Variants in STAG1 observed in about 807,000 individuals in gnomAD.
The protein encoded by STAG1 is cohesin subunit SA-1.
A neutral mutation model predicts 170.9 loss-of-function variants in STAG1; 26 were observed. The ratio of observed to expected loss-of-function variants is 0.15; its 90% CI spans 0.11 to 0.21. The LOEUF is 0.21. STAG1 is among the 10% of genes least tolerant of loss of function. The pLI, the probability that STAG1 is intolerant of heterozygous loss-of-function variation, is 1.00. For missense variants in STAG1, 964 were observed against 1,509.5 expected, an observed-to-expected ratio of 0.64 and a Z score of 5.99; for synonymous variants, 514 against 497.7, an observed-to-expected ratio of 1.03 and a Z score of -0.44.
At chr3:136,568,013 C>G (rs551446730) in intron 5 of STAG1, among the ~76,000 whole-genome samples, 1 of 151,922 alleles carries the variant, frequency 6.6e-6, no homozygotes, top group Non-Finnish European at 1.5e-5. Context: ...GGTGGAGTAT[C>G]TCGTATAAGG....
intron 1 of STAG1, among the ~76,000 whole-genome samples, chr3:136,677,289 GTTCTATGACAT>G (rs1942155574): frequency 6.6e-6 from 1 of 152,080 alleles, no homozygotes; most frequent in Non-Finnish European, 1.5e-5. Flanking sequence ...CTATTTTGTA[GTTCTATGACAT>G]TAGGAAGGTT....
chr3:136,714,974 ATATT>A (rs1943493825), intron 1 of STAG1, among the ~76,000 whole-genome samples: 1 of 110,030 alleles, frequency 9.1e-6, no homozygotes, highest in East Asian at 2.1e-4. Context: ...TTTTATATAT[ATATT>A]TTTATATATA....
At chr3:136,663,329 A>G (rs1941641426) in intron 1 of STAG1, among the ~76,000 whole-genome samples, 1 of 152,206 alleles carries the variant, frequency 6.6e-6, no homozygotes, top group Non-Finnish European at 1.5e-5. Flanking sequence ...AACCCTATGA[A>G]GTAGATATTA....
chr3:136,639,150 C>CA, intron 1 of STAG1, among the ~76,000 whole-genome samples: 1 of 131,586 alleles, frequency 7.6e-6, no homozygotes, highest in East Asian at 2.2e-4. Context: ...GTCTGGGCAA[C>CA]ATAAGTAAGA....
At chr3:136,606,809 C>T (rs1176257823) in intron 3 of STAG1, among the ~76,000 whole-genome samples, 3 of 145,962 alleles carry the variant, frequency 2.1e-5, no homozygotes, top group East Asian at 4.0e-4. Flanking sequence ...CGTGCAATGG[C>T]GTGATCTCAG....
intron 6 of STAG1, among the ~76,000 whole-genome samples, chr3:136,522,158 G>A (rs1355765023): frequency 6.6e-6 from 1 of 152,192 alleles, no homozygotes; most frequent in African/African-American, 2.4e-5. Context: ...GAACAAGGTT[G>A]CCTGAATATT....
chr3:136,422,587 A>C lies in STAG1; in HGVS notation c.1860T>G (p.Ile620Met). 1.9e-6 allele frequency: 3 copies of C among 1,613,996 alleles called. No individual in the cohort carries two copies. The highest frequency in any genetic ancestry group is 2.5e-6 in the Non-Finnish European group (3 of 1,179,962). ...CTACGTGTTTCTCCACAACAAACTT[A>C]ATCTGTTTTAATAAAGCATCCAGAT... ...EKHLDALLKQ[I>M]KFVVEKHVES... The change falls in exon 19 of 34, where the codon ATT (isoleucine) becomes ATG (methionine). Residue 620 changes from isoleucine (I) to methionine (M), a missense_variant. Ile to Met is a conservative substitution (Grantham distance 10). Transcript: ENST00000383202.
intron 1 of STAG1, among the ~76,000 whole-genome samples, chr3:136,700,586 A>AT (rs994387797): frequency 1.3e-5 from 2 of 151,486 alleles, no homozygotes; most frequent in African/African-American, 2.4e-5. Context: ...CGCCCGGCCA[A>AT]TTTTTTGTAT....
chr3:136,588,512 G>T (rs987289860), intron 4 of STAG1, among the ~76,000 whole-genome samples: 2 of 152,008 alleles, frequency 1.3e-5, no homozygotes, highest in Non-Finnish European at 2.9e-5. Context: ...GCTAATTTTT[G>T]TATTTTTAGT....
chr3:136,680,533 T>C (rs1265365030), intron 1 of STAG1, among the ~76,000 whole-genome samples: 1 of 151,964 alleles, frequency 6.6e-6, no homozygotes, highest in African/African-American at 2.4e-5. Flanking sequence ...GGGCAGGGAT[T>C]AGGGAAGGGA....
chr3:136,443,553 C>T, intron 14 of STAG1, 149 bp from the exon 15 acceptor site: 1 of 603,786 alleles, frequency 1.7e-6, no homozygotes, highest in Non-Finnish European at 2.9e-6. Context: ...TATATATTCA[C>T]ATTCCACTGT....
intron 7 of STAG1, among the ~76,000 whole-genome samples, chr3:136,508,474 G>C (rs1244924633): frequency 6.6e-6 from 1 of 152,124 alleles, no homozygotes. Flanking sequence ...GATGACTTGA[G>C]GTCAGGAGTT....
Position 136,466,538 on chromosome 3 carries a change from G to C in STAG1, c.1206-1550C>G, listed in dbSNP as rs1182186387. ...AAATCTACGTCGGATTGGTGTACCT[G>C]AAAGTGACAGGAAGAATGGAAACAA... On this transcript the variant is annotated intron_variant, in intron 12 of 33. Coordinates refer to ENST00000383202, the MANE Select transcript of STAG1 (RefSeq NM_005862.3). 4.4e-4 allele frequency among the ~76,000 whole-genome samples: 67 copies of C among 152,240 alleles called. 1 individual carries two copies. Among genetic ancestry groups the C allele is most frequent in the Non-Finnish European group, 2.9e-5 (2 of 68,046 alleles).
intron 1 of STAG1, among the ~76,000 whole-genome samples, chr3:136,680,087 C>T (rs1942283442): frequency 6.6e-6 from 1 of 151,984 alleles, no homozygotes; most frequent in Non-Finnish European, 1.5e-5. Context: ...GTCTGGCCAA[C>T]ATGGCGAAAC....
chr3:136,530,993 T>C (rs1381389713), intron 6 of STAG1, among the ~76,000 whole-genome samples: 3 of 152,088 alleles, frequency 2.0e-5, no homozygotes, highest in Admixed American at 1.3e-4. Flanking sequence ...TAATCCCAGA[T>C]ACTCGGTTGG....
At chr3:136,396,101 C>T (rs1458176847) in intron 22 of STAG1, among the ~76,000 whole-genome samples, 3 of 152,112 alleles carry the variant, frequency 2.0e-5, no homozygotes, top group Non-Finnish European at 4.4e-5. Flanking sequence ...AGGGTTTCAT[C>T]ACGTTAGCCA....
intron 1 of STAG1, among the ~76,000 whole-genome samples, chr3:136,693,439 C>T (rs1158592885): frequency 1.3e-5 from 2 of 152,104 alleles, no homozygotes; most frequent in Non-Finnish European, 2.9e-5. Context: ...CCCCTTCATT[C>T]TAAAGGAGAA....
chr3:136,716,017 G>A (rs760182577), intron 1 of STAG1, among the ~76,000 whole-genome samples: 26 of 152,300 alleles, frequency 1.7e-4, no homozygotes, highest in Middle Eastern at 6.8e-3. Flanking sequence ...AGAATTGCTT[G>A]AACCTGGGAG....
chr3:136,417,080 C>T lies in STAG1; in HGVS notation c.2196+805G>A, dbSNP rs554440230. Among the ~76,000 whole-genome samples, 71 of 152,190 alleles carry T rather than the reference C, an allele frequency of 4.7e-4. 2 individuals carry two copies. The South Asian group carries it at 0.015, about 32-fold the overall frequency. Reference sequence around the variant, plus strand: ...CAGGCTGGTCTCGAACTTCTGACCTCAGGTGATCCACCCTGCCTTGGCTTC... The same window carrying T: ...CAGGCTGGTCTCGAACTTCTGACCTTAGGTGATCCACCCTGCCTTGGCTTC... On this transcript the variant is annotated intron_variant, in intron 21 of 33. Transcript: ENST00000383202.
Sources: gnomAD v4.1 joint callset for allele counts (sites outside exome capture counted in the v4.1 genomes callset) on GRCh38, gnomAD v4.1.1 for gene constraint, MANE v1.5 for transcripts, NCBI Gene and HGNC (gene_info 2026-07-23, HGNC 2026-07-21) for gene names.